Variants in VCPIP1 observed in about 807,000 individuals in gnomAD.
VCPIP1 encodes deubiquitinating protein VCPIP1.
VCPIP1 carries 8 observed loss-of-function variants against 85.0 expected under a neutral mutation model. That is an observed-to-expected ratio of 0.09 (90% CI 0.06 to 0.17). The LOEUF is 0.17. VCPIP1 is among the 10% of genes least tolerant of loss of function. The pLI is 1.00. For missense variants in VCPIP1, 1,070 were observed against 1,486.3 expected (o/e 0.72, Z 4.61); for synonymous variants, 543 against 544.5 (o/e 1.00, Z 0.04).
intron 1 of VCPIP1, among the ~76,000 whole-genome samples, chr8:66,656,058 A>G (rs921958926): frequency 6.6e-6 from 1 of 151,984 alleles, no homozygotes; most frequent in African/African-American, 2.4e-5. Context: ...ATAACTTTTA[A>G]TTGTTTAAAA....
At chr8:66,664,065 ATAGT>A in intron 1 of VCPIP1, among the ~76,000 whole-genome samples, 180 bp downstream of exon 1, 1 of 152,308 alleles carries the variant, frequency 6.6e-6, no homozygotes, top group South Asian at 2.1e-4. Flanking sequence ...TATTTTCCTA[ATAGT>A]TACTCAATAA....
chr8:66,660,489 AAACTTAAACGAGAAAG>A (rs1811144795), intron 1 of VCPIP1, among the ~76,000 whole-genome samples: 1 of 152,232 alleles, frequency 6.6e-6, no homozygotes, highest in Admixed American at 6.5e-5. Flanking sequence ...ATTTAAGCCT[AAACTTAAACGAGAAAG>A]AACCAGCTAT....
At chr8:66,657,866 C>T (rs530317775) in intron 1 of VCPIP1, among the ~76,000 whole-genome samples, 1 of 152,230 alleles carries the variant, frequency 6.6e-6, no homozygotes, top group Non-Finnish European at 1.5e-5. Flanking sequence ...AAAGGAATAA[C>T]ATCAATATTT....
Position 66,666,397 on chromosome 8 carries a change from G to A in VCPIP1, c.562C>T (p.Leu188Phe). 1.2e-6 allele frequency: 2 copies of A among 1,614,080 alleles called. No individual in the cohort carries two copies. Among genetic ancestry groups the A allele is most frequent in the Non-Finnish European group, 8.5e-7 (1 of 1,180,020 alleles). Residue 188 changes from leucine to phenylalanine, a missense_variant, in exon 1 of 3, where the codon CTC becomes TTC. Transcript: ENST00000310421. This position sits in a 1 kb window ranked among gnomAD's most constrained non-coding sequence, Gnocchi z 6.3. The stretch of plus-strand genomic sequence containing the variant: ...TCCAGAGTGTCATGCAAATACAGGA[G>A]GCTTCCGGAGCGGTCCTTGCCATAG... ...VGYGKDRSGS[L>F]LYLHDTLEDI...
intron 2 of VCPIP1, among the ~76,000 whole-genome samples, chr8:66,638,311 C>A (rs1019869974): frequency 6.6e-6 from 1 of 151,470 alleles, no homozygotes; most frequent in African/African-American, 2.4e-5. Context: ...CCTAAGGAGA[C>A]CTCACCTCTA....
Position 66,666,770 on chromosome 8 carries a change from G to A in VCPIP1, c.189C>T (p.Ser63=), listed in dbSNP as rs761850646. 3 of 1,613,614 alleles carry A rather than the reference G, an allele frequency of 1.9e-6. No individual in the cohort carries two copies. Among genetic ancestry groups the A allele is most frequent in the Middle Eastern group, 3.3e-4 (2 of 6,056 alleles). Residue 63 remains serine, a synonymous_variant, in exon 1 of 3, where the codon TCC becomes TCT. Coordinates refer to ENST00000310421, the MANE Select transcript of VCPIP1 (RefSeq NM_025054.5). The surrounding 1 kb of genome is among the most constrained non-coding windows in gnomAD (Gnocchi z 6.3). ...KCQARLFFPA[S]GSVSIECTEC... is the part of the protein sequence containing the mutation. Reference sequence around the variant, plus strand: ...CGGTACACTCGATGCTGACAGAACCGGAGGCCGGGAAAAATAGACGCGCCT... The same window carrying A: ...CGGTACACTCGATGCTGACAGAACCAGAGGCCGGGAAAAATAGACGCGCCT...
chr8:66,648,647 T>C (rs1211422768), intron 2 of VCPIP1, among the ~76,000 whole-genome samples: 1 of 152,116 alleles, frequency 6.6e-6, no homozygotes, highest in African/African-American at 2.4e-5. Context: ...CTCCACCTCC[T>C]GGGTTCAAGC....
At chr8:66,638,639 C>A (rs1005566054) in intron 2 of VCPIP1, among the ~76,000 whole-genome samples, 1 of 151,894 alleles carries the variant, frequency 6.6e-6, no homozygotes, top group Non-Finnish European at 1.5e-5. Flanking sequence ...ATTAGCCAGG[C>A]GTGGTGGCGG....
Position 66,665,997 on chromosome 8 carries a change from G to A in VCPIP1, c.962C>T (p.Thr321Ile). The change falls in exon 1 of 3, where the codon ACC (threonine) becomes ATC (isoleucine). Residue 321 changes from threonine to isoleucine, a missense_variant. Around this residue, in one of 8 missense-constraint regions of VCPIP1, gnomAD observed 118 missense variants for 337.1 expected, o/e 0.35. Coordinates refer to ENST00000310421, the MANE Select transcript of VCPIP1 (RefSeq NM_025054.5). This position sits in a 1 kb window ranked among gnomAD's most constrained non-coding sequence, Gnocchi z 4.3. The stretch of plus-strand genomic sequence containing the variant: ...TGCAGGGATGAGCCCAGGTAGAAAG[G>A]TGGCTGAATAATCACCAGAGCTTCT... ...GMRSSGDYSA[T>I]FLPGLIPAEK... 6.2e-7 allele frequency: 1 copy of A among 1,614,200 alleles called. No homozygotes were observed. Among genetic ancestry groups the A allele is most frequent in the South Asian group, 1.1e-5 (1 of 91,088 alleles).
At chr8:66,636,236 C>CAA (rs1180259925) in intron 2 of VCPIP1, among the ~76,000 whole-genome samples, 265 of 40,264 alleles carry the variant, frequency 6.6e-3, no homozygotes, top group Non-Finnish European at 8.9e-3. Flanking sequence ...GACTCCATCT[C>CAA]AAAAAAAAAA....
intron 2 of VCPIP1, among the ~76,000 whole-genome samples, chr8:66,649,975 C>T (rs946545353): frequency 8.6e-5 from 13 of 151,778 alleles, no homozygotes; most frequent in Admixed American, 7.2e-4. Context: ...AAATTATCAA[C>T]GTTAATTATC....
intron 1 of VCPIP1, among the ~76,000 whole-genome samples, chr8:66,658,545 A>G (rs949376581): frequency 4.0e-5 from 6 of 151,812 alleles, no homozygotes; most frequent in African/African-American, 1.5e-4. Flanking sequence ...CTGGAGTGCA[A>G]TGGCATGATC....
intron 2 of VCPIP1, among the ~76,000 whole-genome samples, chr8:66,644,470 C>T (rs1358932609): frequency 2.0e-5 from 3 of 152,104 alleles, no homozygotes; most frequent in African/African-American, 7.2e-5. Flanking sequence ...GAGCATCTCA[C>T]AAAATTCAAC....
intron 1 of VCPIP1, among the ~76,000 whole-genome samples, chr8:66,651,759 G>A (rs998222459): frequency 5.9e-5 from 9 of 152,040 alleles, no homozygotes; most frequent in African/African-American, 2.2e-4. Flanking sequence ...GCCAAGTGCT[G>A]TCATGGAAGA....
intron 2 of VCPIP1, 28 bp downstream of exon 2, chr8:66,651,430 T>C: frequency 6.5e-7 from 1 of 1,535,990 alleles, no homozygotes; most frequent in Non-Finnish European, 8.9e-7. Flanking sequence ...AGAGCTATTA[T>C]TTAAGAATAA....
At position 66,647,117 on chromosome 8, in the gene VCPIP1, T is replaced by C. The variant is rs538473186; in HGVS notation, c.2797+4341A>G. Among the ~76,000 whole-genome samples, 120 of 152,140 alleles carry C rather than the reference T, an allele frequency of 7.9e-4. 1 individual carries two copies. The highest frequency in any genetic ancestry group is 2.8e-3 in the African/African-American group (118 of 41,512). The stretch of plus-strand genomic sequence containing the variant: ...CAGCACTTTGGGAGGCCAAGGCGGA[T>C]GGACCACAAGGTCAGGAGTTCAAGA... On this transcript the variant is annotated intron_variant, in intron 2 of 2. Coordinates refer to ENST00000310421, the MANE Select transcript of VCPIP1 (RefSeq NM_025054.5).
Position 66,665,924 on chromosome 8 carries a change from A to G in VCPIP1, c.1035T>C (p.Ile345=). The change falls in exon 1 of 3, where the codon ATT becomes ATC. Residue 345 remains isoleucine (I), a synonymous_variant. Coordinates refer to ENST00000310421, the MANE Select transcript of VCPIP1 (RefSeq NM_025054.5). The surrounding 1 kb of genome is among the most constrained non-coding windows in gnomAD (Gnocchi z 4.3). ...GGTTTCTACCGGAGCTGCTCCATGC[A>G]ATACAGATTGGTTTGTTCAAATGAC... ...KDGHLNKPIC[I]AWSSSGRNHY... 6.2e-7 allele frequency: 1 copy of G among 1,614,198 alleles called. No individual in the cohort carries two copies. The highest frequency in any genetic ancestry group is 8.5e-7 in the Non-Finnish European group (1 of 1,180,034).
Position 66,666,909 on chromosome 8 carries a change from G to A in VCPIP1, c.50C>T (p.Pro17Leu), listed in dbSNP as rs774904749. The change falls in exon 1 of 3, where the codon CCC becomes CTC. Residue 17 changes from proline (P) to leucine (L), a missense_variant. Transcript: ENST00000310421. The surrounding 1 kb of genome is among the most constrained non-coding windows in gnomAD (Gnocchi z 6.3). ...CGACGGAGTCTGTGGAGCCTCAGGG[G>A]GAGGAGGTGGCGGCGGCAACGGAGG... ...PPPPLPPPPP[P>L]PEAPQTPSSL... 5 of 1,594,516 alleles carry A rather than the reference G, an allele frequency of 3.1e-6. No homozygotes were observed. In the South Asian group the frequency reaches 5.6e-5, roughly 18 times the overall value.
chr8:66,653,731 GTCAACCTTGTTTTCATTA>G (rs1811074010), intron 1 of VCPIP1, among the ~76,000 whole-genome samples: 1 of 152,122 alleles, frequency 6.6e-6, no homozygotes, highest in Non-Finnish European at 1.5e-5. Context: ...TGCAGTGTTT[GTCAACCTTGTTTTCATTA>G]TCTCCCCCTA....
Sources: allele counts gnomAD v4.1 joint callset (sites outside exome capture counted in the v4.1 genomes callset), GRCh38; gene constraint gnomAD v4.1.1; regional missense constraint gnomAD v4.1.1; non-coding constraint Gnocchi (gnomAD v3.1); transcripts MANE v1.5; gene names NCBI Gene and HGNC (gene_info 2026-07-23, HGNC 2026-07-21).